CDH12: variants seen among roughly 807,000 people sequenced by gnomAD.
CDH12 encodes cadherin 12, also known as cadherin-12.
CDH12 carries 41 observed loss-of-function variants against 74.1 expected under a neutral mutation model. The ratio of observed to expected loss-of-function variants is 0.55; its 90% CI spans 0.43 to 0.72. The LOEUF (loss-of-function observed/expected upper bound fraction) is 0.72, where lower values mean the gene tolerates loss of function less well. Among genes scored for constraint, CDH12 ranks in the 30% least tolerant of loss-of-function variants. CDH12 has a pLI of 0.00. For missense variants in CDH12, 945 were observed against 977.2 expected, an observed-to-expected ratio of 0.97 and a Z score of 0.44; for synonymous variants, 399 against 355.0, an observed-to-expected ratio of 1.12 and a Z score of -1.39.
intron 1 of CDH12, among the ~76,000 whole-genome samples, chr5:22,768,690 C>G (rs10520878): frequency 0.035 from 5,256 of 152,084 alleles, 274 homozygotes; most frequent in East Asian, 0.17. Context: ...GATTTGGACC[C>G]ATGGTAACTA....
intron 3 of CDH12, among the ~76,000 whole-genome samples, chr5:22,388,491 G>C (rs1479396736): frequency 6.6e-6 from 1 of 151,780 alleles, no homozygotes; most frequent in African/African-American, 2.4e-5. Context: ...TTCATATTAA[G>C]ACCTAACAAG....
intron 1 of CDH12, among the ~76,000 whole-genome samples, chr5:22,514,985 C>A: frequency 6.6e-6 from 1 of 152,138 alleles, no homozygotes; most frequent in Non-Finnish European, 1.5e-5. Flanking sequence ...AGCAAAATTT[C>A]TGAACAATGT....
intron 5 of CDH12, among the ~76,000 whole-genome samples, chr5:22,030,119 G>C (rs4376236): frequency 0.024 from 3,467 of 142,056 alleles, 111 homozygotes; most frequent in African/African-American, 0.088. Context: ...GTTGTGGGGT[G>C]GGGGGGAGGG....
chr5:22,460,888 T>C (rs983458088), intron 2 of CDH12, among the ~76,000 whole-genome samples: 1 of 150,626 alleles, frequency 6.6e-6, no homozygotes, highest in African/African-American at 2.4e-5. Context: ...ACCTGGCTAG[T>C]ATTTGTATTT....
chr5:22,575,397 T>C lies in CDH12; in HGVS notation c.-522-70033A>G, dbSNP rs1434808373. Among the ~76,000 whole-genome samples, 8 of 101,166 alleles carry C rather than the reference T, an allele frequency of 7.9e-5. No homozygotes were observed. In the East Asian group the frequency reaches 3.0e-3, roughly 38 times the overall value. 66.4% of individuals were successfully genotyped at this position (101,166 alleles called of 152,430 possible). A position where few individuals can be genotyped will look rare whatever the true frequency, so the allele number is the denominator to read the frequency against. Reference sequence around the variant, plus strand: ...TGCTATGCAGTTGTGGTTTGAAACATTTTTTTTTTTTTTGAGACAGGTTCT... The same window carrying C: ...TGCTATGCAGTTGTGGTTTGAAACACTTTTTTTTTTTTTGAGACAGGTTCT... On this transcript the variant is annotated intron_variant, in intron 1 of 14. Coordinates refer to ENST00000382254, the MANE Select transcript of CDH12 (RefSeq NM_004061.5).
intron 6 of CDH12, among the ~76,000 whole-genome samples, chr5:21,938,994 C>T (rs1212094119): frequency 1.3e-5 from 2 of 150,638 alleles, no homozygotes; most frequent in Non-Finnish European, 3.0e-5. Flanking sequence ...AAGCTGTTCA[C>T]TGAAACAGTA....
rs1301839611 is a variant in CDH12 at position 22,853,299 on chromosome 5, A to T, written c.-764T>A. On this transcript the variant is annotated 5_prime_UTR_variant, in exon 1 of 15. Transcript: ENST00000382254. The stretch of plus-strand genomic sequence containing the variant: ...TGCCTCTCTTCTCAGAAAAGCCTGG[A>T]CCCCTCTCTGTGGCTCCCTCCACAT... The T allele has an allele frequency of 6.6e-6, 1 of 150,948 alleles. No individual in the cohort carries two copies. Among genetic ancestry groups the T allele is most frequent in the Non-Finnish European group, 1.5e-5 (1 of 67,728 alleles). 9.4% of individuals were successfully genotyped at this position (150,948 alleles called of 1,614,324 possible). A position where few individuals can be genotyped will look rare whatever the true frequency, so the allele number is the denominator to read the frequency against.
Position 22,426,198 on chromosome 5 carries a change from A to G in CDH12, c.-427-20847T>C, listed in dbSNP as rs868586332. Among the ~76,000 whole-genome samples the G allele has an allele frequency of 8.8e-3, 1,328 of 151,232 alleles. 16 individuals carry two copies. Among genetic ancestry groups the G allele is most frequent in the African/African-American group, 0.031 (1,264 of 41,284 alleles). On this transcript the variant is annotated intron_variant, in intron 2 of 14. Coordinates refer to ENST00000382254, the MANE Select transcript of CDH12 (RefSeq NM_004061.5). Reference sequence around the variant, plus strand: ...GAGAATCCATCTCAAAAAAAAGAAAAAAAAAAAAAAAAGGATACATAAAAG... The same window carrying G: ...GAGAATCCATCTCAAAAAAAAGAAAGAAAAAAAAAAAAGGATACATAAAAG...
intron 1 of CDH12, among the ~76,000 whole-genome samples, chr5:22,761,402 C>T (rs1438742177): frequency 6.6e-6 from 1 of 152,064 alleles, no homozygotes; most frequent in Non-Finnish European, 1.5e-5. Context: ...GAAGGGAAAC[C>T]CTTACAAAGT....
At chr5:22,852,150 A>C (rs1176731863) in intron 1 of CDH12, among the ~76,000 whole-genome samples, 1 of 152,202 alleles carries the variant, frequency 6.6e-6, no homozygotes, top group Non-Finnish European at 1.5e-5. Flanking sequence ...TCGATGAGAA[A>C]TTGAGAATCA....
intron 1 of CDH12, among the ~76,000 whole-genome samples, chr5:22,531,856 T>C (rs1012349051): frequency 2.6e-5 from 4 of 152,106 alleles, no homozygotes; most frequent in African/African-American, 7.2e-5. Context: ...TATGATTTCC[T>C]GCACAGCCAG....
intron 3 of CDH12, among the ~76,000 whole-genome samples, chr5:22,278,505 GA>G (rs1736736336): frequency 6.6e-6 from 1 of 152,008 alleles, no homozygotes; most frequent in African/African-American, 2.4e-5. Context: ...GCTGAAAGAG[GA>G]ATAGGAGAGT....
intron 1 of CDH12, among the ~76,000 whole-genome samples, chr5:22,646,388 G>C (rs1739433429): frequency 6.6e-6 from 1 of 151,658 alleles, no homozygotes; most frequent in Non-Finnish European, 1.5e-5. Context: ...GCATGAATTG[G>C]TTATGTTTTC....
At chr5:22,714,230 T>A (rs2126979156) in intron 1 of CDH12, among the ~76,000 whole-genome samples, 1 of 152,316 alleles carries the variant, frequency 6.6e-6, no homozygotes, top group Admixed American at 6.5e-5. Flanking sequence ...GGCACTTGAT[T>A]CTAACTAGGC....
At chr5:22,017,723 T>C (rs891153318) in intron 5 of CDH12, among the ~76,000 whole-genome samples, 2 of 151,774 alleles carry the variant, frequency 1.3e-5, no homozygotes, top group Non-Finnish European at 2.9e-5. Flanking sequence ...ACATCTGAGC[T>C]GATTTAATTT....
chr5:22,698,897 G>T (rs1026488532), intron 1 of CDH12, among the ~76,000 whole-genome samples: 1 of 151,038 alleles, frequency 6.6e-6, no homozygotes, highest in South Asian at 2.1e-4. Context: ...TATACAATTA[G>T]GTGTAGTTTC....
chr5:21,856,020 C>T (rs781370390), intron 6 of CDH12, among the ~76,000 whole-genome samples: 99 of 151,634 alleles, frequency 6.5e-4, no homozygotes, highest in Non-Finnish European at 2.1e-4. Context: ...AAATATATTA[C>T]AGCAGCCTTT....
chr5:22,606,325 G>A (rs1414296006), intron 1 of CDH12, among the ~76,000 whole-genome samples: 1 of 152,146 alleles, frequency 6.6e-6, no homozygotes, highest in Admixed American at 6.5e-5. Context: ...CATCTCATGG[G>A]TGTCACTGCT....
chr5:22,525,099 G>A (rs1295862496), intron 1 of CDH12, among the ~76,000 whole-genome samples: 1 of 151,944 alleles, frequency 6.6e-6, no homozygotes, highest in African/African-American at 2.4e-5. Flanking sequence ...TGAGAATGAT[G>A]GTTTCCAGCT....
Sources: allele counts gnomAD v4.1 joint callset (sites outside exome capture counted in the v4.1 genomes callset), GRCh38; gene constraint gnomAD v4.1.1; transcripts MANE v1.5; gene names NCBI Gene and HGNC (gene_info 2026-07-23, HGNC 2026-07-21).